The following SLC41A2 variants were observed in gnomAD, a reference collection of about 807,000 sequenced individuals.
The protein encoded by SLC41A2 is solute carrier family 41 member 2.
In SLC41A2, 32 loss-of-function variants were observed where a neutral mutation model predicts 58.3. The observed-to-expected ratio is 0.55, with a 90% confidence interval of 0.41 to 0.74. SLC41A2 has a LOEUF of 0.74. SLC41A2 is among the 30% of genes least tolerant of loss of function. The pLI is 0.00. For synonymous variants in SLC41A2, 190 were observed against 235.0 expected (o/e 0.81, Z 1.75); for missense variants, 514 against 680.6 (o/e 0.76, Z 2.72).
chr12:104,819,514 A>G (rs1225533027), intron 10 of SLC41A2, among the ~76,000 whole-genome samples: 1 of 152,244 alleles, frequency 6.6e-6, no homozygotes, highest in Non-Finnish European at 1.5e-5. Flanking sequence ...GAAAACAAAC[A>G]TGATAGTGAA....
chr12:104,874,036 G>A (rs766668568), intron 6 of SLC41A2, among the ~76,000 whole-genome samples: 8 of 147,790 alleles, frequency 5.4e-5, no homozygotes, highest in African/African-American at 1.5e-4. Context: ...TAAATTTGGC[G>A]TAGTCTCACT....
At chr12:104,886,219 A>G in intron 6 of SLC41A2, 74 bp downstream of exon 6, 2 of 1,499,274 alleles carry the variant, frequency 1.3e-6, no homozygotes, top group South Asian at 2.5e-5. Context: ...CCATGGATTC[A>G]TGGCATTGCT....
intron 8 of SLC41A2, among the ~76,000 whole-genome samples, chr12:104,849,761 G>A (rs778494237): frequency 1.3e-5 from 2 of 152,192 alleles, no homozygotes; most frequent in Non-Finnish European, 2.9e-5. Flanking sequence ...CCAAGAGATT[G>A]AGGCTGCAGT....
chr12:104,899,883 G>A (rs1039419648), intron 3 of SLC41A2, among the ~76,000 whole-genome samples: 1 of 152,042 alleles, frequency 6.6e-6, no homozygotes, highest in African/African-American at 2.4e-5. Context: ...CTACTTTTTT[G>A]TTGTTTTTGT....
At chr12:104,871,285 A>T (rs2043760032) in intron 6 of SLC41A2, among the ~76,000 whole-genome samples, 1 of 152,252 alleles carries the variant, frequency 6.6e-6, no homozygotes, top group Non-Finnish European at 1.5e-5. Context: ...TATGTGAAAA[A>T]GAATTTTTTA....
intron 6 of SLC41A2, among the ~76,000 whole-genome samples, chr12:104,870,409 C>G (rs1056133701): frequency 6.6e-6 from 1 of 152,154 alleles, no homozygotes; most frequent in Non-Finnish European, 1.5e-5. Flanking sequence ...GTTTCCAGAA[C>G]TGTAAAAACA....
intron 6 of SLC41A2, among the ~76,000 whole-genome samples, chr12:104,885,880 A>G (rs950030086): frequency 6.6e-6 from 1 of 152,088 alleles, no homozygotes; most frequent in African/African-American, 2.4e-5. Flanking sequence ...AGTACCACTT[A>G]TAAGCTTATA....
chr12:104,870,169 A>AG (rs1593036395), intron 6 of SLC41A2, among the ~76,000 whole-genome samples: 1 of 152,268 alleles, frequency 6.6e-6, no homozygotes, highest in East Asian at 1.9e-4. Context: ...CAGGTATAGG[A>AG]GGGAGGCAGG....
rs192433837 is a variant in SLC41A2 at position 104,874,100 on chromosome 12, G to A, written c.1028-7521C>T. Among the ~76,000 whole-genome samples, 546 of 142,082 alleles carry A rather than the reference G, an allele frequency of 3.8e-3. 3 individuals carry two copies. Among genetic ancestry groups the A allele is most frequent in the Non-Finnish European group, 6.1e-3 (405 of 66,234 alleles). The allele number at this position is 142,082 out of a possible 152,430, so 93.2% of individuals were successfully genotyped here. ...TTTTTTTTTTTTTTTTTGAGACAGA[G>A]TCTTGCTCAGTTGCCCAGGCTAGAG... On this transcript the variant is annotated intron_variant, in intron 6 of 10. Transcript: ENST00000258538.
chr12:104,950,272 G>GT (rs2047901446), intron 1 of SLC41A2, among the ~76,000 whole-genome samples: 3 of 152,132 alleles, frequency 2.0e-5, no homozygotes, highest in African/African-American at 7.2e-5. Context: ...GACCTGGTAG[G>GT]AGGTGGTTGG....
At chr12:104,854,212 G>A (rs571000956) in intron 8 of SLC41A2, among the ~76,000 whole-genome samples, 37 of 150,548 alleles carry the variant, frequency 2.5e-4, no homozygotes, top group African/African-American at 8.5e-4. Flanking sequence ...GGTATATTTA[G>A]AAAAAAAAAT....
At chr12:104,853,788 G>A (rs2042895132) in intron 8 of SLC41A2, among the ~76,000 whole-genome samples, 1 of 151,810 alleles carries the variant, frequency 6.6e-6, no homozygotes, top group African/African-American at 2.4e-5. Context: ...CTGTTGCCTA[G>A]GTTGGAATGC....
intron 9 of SLC41A2, 33 bp from the exon 10 acceptor site, chr12:104,844,653 A>T: frequency 7.7e-7 from 1 of 1,303,390 alleles, no homozygotes; most frequent in African/African-American, 1.5e-5. Context: ...AATTAAAACA[A>T]AATTATATTT....
chr12:104,820,844 C>T (rs2041605705), intron 10 of SLC41A2, among the ~76,000 whole-genome samples: 2 of 152,130 alleles, frequency 1.3e-5, no homozygotes, highest in African/African-American at 2.4e-5. Flanking sequence ...GGGGTTTCAT[C>T]ATGTTGGCCA....
intron 2 of SLC41A2, among the ~76,000 whole-genome samples, chr12:104,915,626 T>G (rs1048658264): frequency 6.6e-6 from 1 of 152,248 alleles, no homozygotes; most frequent in Non-Finnish European, 1.5e-5. Flanking sequence ...TTTTGTATCC[T>G]GAGACTTTGC....
chr12:104,860,942 T>C (rs972813338), intron 8 of SLC41A2, among the ~76,000 whole-genome samples: 3 of 152,164 alleles, frequency 2.0e-5, no homozygotes, highest in African/African-American at 7.2e-5. Context: ...TCCACAAAAA[T>C]TGACAAAAGA....
At chr12:104,864,686 AG>A (rs1262384530) in intron 7 of SLC41A2, among the ~76,000 whole-genome samples, 1 of 151,972 alleles carries the variant, frequency 6.6e-6, no homozygotes, top group African/African-American at 2.4e-5. Flanking sequence ...GCTTTTCAGG[AG>A]GGTTCCTCTA....
intron 10 of SLC41A2, among the ~76,000 whole-genome samples, chr12:104,820,680 C>T (rs1052940505): frequency 1.3e-4 from 20 of 151,862 alleles, no homozygotes; most frequent in Admixed American, 7.9e-4. Context: ...TCGCTCTTGT[C>T]GCCCAGGCTG....
chr12:104,888,060 T>C (rs530242006), intron 5 of SLC41A2, among the ~76,000 whole-genome samples: 3 of 152,040 alleles, frequency 2.0e-5, no homozygotes, highest in Middle Eastern at 3.4e-3. Context: ...AAGAAGCAAA[T>C]GAGCCTAAAA....
Sources: allele counts gnomAD v4.1 joint callset (sites outside exome capture counted in the v4.1 genomes callset), GRCh38; gene constraint gnomAD v4.1.1; transcripts MANE v1.5; gene names NCBI Gene and HGNC (gene_info 2026-07-23, HGNC 2026-07-21).